The following SLC9A4 variants were observed in gnomAD, a reference collection of about 807,000 sequenced individuals.
SLC9A4 encodes the protein sodium/hydrogen exchanger 4.
In SLC9A4, 63 loss-of-function variants were observed where a neutral mutation model predicts 67.4. The observed-to-expected ratio is 0.93, with a 90% CI of 0.76 to 1.15. The LOEUF (loss-of-function observed/expected upper bound fraction) is 1.15. Among genes scored for constraint, SLC9A4 ranks in the 50% most tolerant of loss-of-function variants. The pLI is 0.00. For synonymous variants in SLC9A4, 393 were observed against 367.2 expected, an observed-to-expected ratio of 1.07 and a Z score of -0.80; for missense variants, 1,089 against 987.7, an observed-to-expected ratio of 1.10 and a Z score of -1.38.
chr2:102,513,944 G>T, intron 7 of SLC9A4, 146 bp from the exon 8 acceptor site: 2 of 1,155,436 alleles, frequency 1.7e-6, no homozygotes. Context: ...TAAAAAATGT[G>T]TTCAAATGCT....
At chr2:102,491,670 G>A (rs536628652) in intron 2 of SLC9A4, among the ~76,000 whole-genome samples, 1 of 152,120 alleles carries the variant, frequency 6.6e-6, no homozygotes, top group South Asian at 2.1e-4. Flanking sequence ...GATGAGATTT[G>A]GGTGGGAACA....
chr2:102,500,958 C>CTTTT (rs11443914), intron 2 of SLC9A4, among the ~76,000 whole-genome samples: 1 of 141,342 alleles, frequency 7.1e-6, no homozygotes, highest in Non-Finnish European at 1.5e-5. Context: ...AAGCAACAAT[C>CTTTT]TTTTTTTTTT....
In SLC9A4 at chr2:102,479,185, C is replaced by A; in HGVS notation, c.603C>A (p.Ser201Arg). 1 of 1,614,196 alleles carries A rather than the reference C, an allele frequency of 6.2e-7. No individual in the cohort carries two copies. The highest frequency in any genetic ancestry group is 8.5e-7 in the Non-Finnish European group (1 of 1,180,020). The change falls in exon 2 of 12, where the codon AGC (serine) becomes AGA (arginine). Residue 201 changes from serine (S) to arginine (R), a missense_variant. By Grantham distance (110) the Ser-to-Arg change is moderately radical (BLOSUM62 -1). Coordinates refer to ENST00000295269, the MANE Select transcript of SLC9A4 (RefSeq NM_001011552.4). The part of the protein sequence containing the change: ...VNLLQNLLFG[S>R]LISAVDPVAV... ...TGCTGCAGAACCTGCTGTTCGGCAG[C>A]CTGATCTCCGCCGTGGACCCAGTGG... is the stretch of plus-strand genomic sequence containing the variant.
intron 2 of SLC9A4, among the ~76,000 whole-genome samples, chr2:102,486,181 C>T (rs1684585226): frequency 6.6e-6 from 1 of 152,224 alleles, no homozygotes; most frequent in Non-Finnish European, 1.5e-5. Flanking sequence ...GCAGGTCCTG[C>T]CTCCACTCCT....
intron 1 of SLC9A4, 144 bp downstream of exon 1, chr2:102,474,159 A>C: frequency 1.0e-6 from 1 of 971,542 alleles, no homozygotes. Flanking sequence ...GTCAAGGGAA[A>C]GTCATAACTG....
intron 2 of SLC9A4, among the ~76,000 whole-genome samples, chr2:102,493,942 T>C (rs530634541): frequency 7.9e-5 from 12 of 151,866 alleles, no homozygotes; most frequent in Non-Finnish European, 1.8e-4. Flanking sequence ...CTGTCTACTC[T>C]CACCCCTGAG....
At chr2:102,478,640 C>A (rs1333602891) in intron 1 of SLC9A4, among the ~76,000 whole-genome samples, 199 bp from the exon 2 acceptor site, 1 of 152,154 alleles carries the variant, frequency 6.6e-6, no homozygotes, top group Non-Finnish European at 1.5e-5. Context: ...GATTCTGTGA[C>A]CTGCGCCGAG....
chr2:102,513,977 A>G (rs1685221201), intron 7 of SLC9A4, 113 bp from the exon 8 acceptor site: 3 of 1,402,184 alleles, frequency 2.1e-6, no homozygotes, highest in Admixed American at 2.8e-5. Flanking sequence ...CACTGTCCTG[A>G]TGTTTCTTCA....
Position 102,519,839 on chromosome 2 carries a change from T to C in SLC9A4, c.1722-20T>C. 1 of 1,611,414 alleles carries C rather than the reference T, an allele frequency of 6.2e-7. No homozygotes were observed. Among genetic ancestry groups the C allele is most frequent in the African/African-American group, 1.3e-5 (1 of 74,944 alleles). ...CAAATGAAAGAATAATGTTTGTCTC[T>C]TCTCCAATAATGATTCCAGGGCCCA... On this transcript the variant is annotated intron_variant, in intron 8 of 11. Coordinates refer to ENST00000295269, the MANE Select transcript of SLC9A4 (RefSeq NM_001011552.4).
chr2:102,496,315 G>A (rs1684809800), intron 2 of SLC9A4, among the ~76,000 whole-genome samples: 2 of 152,278 alleles, frequency 1.3e-5, no homozygotes, highest in Non-Finnish European at 2.9e-5. Flanking sequence ...AAATCACAGT[G>A]AAATGCCACC....
At chr2:102,525,210 T>C in intron 10 of SLC9A4, 55 bp downstream of exon 10, 1 of 1,608,978 alleles carries the variant, frequency 6.2e-7, no homozygotes, top group South Asian at 1.1e-5. Context: ...GTTTGTCATC[T>C]GCTGAGCCTG....
chr2:102,488,316 C>T (rs1443690578), intron 2 of SLC9A4, among the ~76,000 whole-genome samples: 1 of 152,086 alleles, frequency 6.6e-6, no homozygotes, highest in Admixed American at 6.5e-5. Context: ...CAAATAGTTT[C>T]CTTATAGCTT....
chr2:102,479,362 G>A, intron 2 of SLC9A4, 60 bp downstream of exon 2: 1 of 1,509,366 alleles, frequency 6.6e-7, no homozygotes, highest in Non-Finnish European at 8.9e-7. Context: ...GTGGGGCTGG[G>A]GACCGGAGGC....
intron 2 of SLC9A4, among the ~76,000 whole-genome samples, chr2:102,497,371 A>G (rs1242499692): frequency 6.6e-6 from 1 of 152,350 alleles, no homozygotes; most frequent in East Asian, 1.9e-4. Context: ...TTGTACATGA[A>G]TGTTCACAGC....
chr2:102,516,725 A>G (rs1685284736), intron 8 of SLC9A4, among the ~76,000 whole-genome samples: 1 of 152,190 alleles, frequency 6.6e-6, no homozygotes, highest in Admixed American at 6.5e-5. Flanking sequence ...AATAAGTAGA[A>G]TATGCACTTT....
At position 102,524,996 on chromosome 2, in the gene SLC9A4, C is replaced by A. The variant is rs200529310; in HGVS notation, c.1819-28C>A. 15 of 1,612,596 alleles carry A rather than the reference C, an allele frequency of 9.3e-6. 1 individual carries two copies. The South Asian group carries it at 1.5e-4, about 17-fold the overall frequency. The stretch of plus-strand genomic sequence containing the variant: ...TGAAAGTTGTATGGAGGAGTCCTTA[C>A]GTATTTGACATTCCATTTTCTCTGC... On this transcript the variant is annotated intron_variant, in intron 9 of 11. Transcript: ENST00000295269.
chr2:102,522,663 T>G (rs978249228), intron 9 of SLC9A4, among the ~76,000 whole-genome samples: 1 of 152,184 alleles, frequency 6.6e-6, no homozygotes, highest in Non-Finnish European at 1.5e-5. Flanking sequence ...ATTTTAAAAC[T>G]GATAAACAAT....
chr2:102,473,671 G>A lies in SLC9A4; in HGVS notation c.-89G>A, dbSNP rs1684267695. On this transcript the variant is annotated 5_prime_UTR_variant, in exon 1 of 12. The change creates a new upstream start codon in the 5' untranslated region. Coordinates refer to ENST00000295269, the MANE Select transcript of SLC9A4 (RefSeq NM_001011552.4). ...TGTACCTATATTACTTTTGACCCAG[G>A]TGGATGCAGTCACTCTCTAGAAGCC... is the stretch of plus-strand genomic sequence containing the variant. 5.2e-6 allele frequency: 8 copies of A among 1,525,876 alleles called. No individual in the cohort carries two copies. In the South Asian group the frequency reaches 8.8e-5, roughly 17 times the overall value. 94.5% of individuals were successfully genotyped at this position (1,525,876 alleles called of 1,614,324 possible).
rs749302200 is a variant in SLC9A4 at position 102,505,301 on chromosome 2, T to C, written c.1028T>C (p.Val343Ala). ...VTMKKYVEEN[V>A]SQTSYTTIKY... Reference sequence around the variant, plus strand: ...ATGAAAAAGTACGTGGAAGAAAACGTGTCCCAGACATCATACACGACCATC... The same window carrying C: ...ATGAAAAAGTACGTGGAAGAAAACGCGTCCCAGACATCATACACGACCATC... Residue 343 changes from valine (V) to alanine (A), a missense_variant, in exon 4 of 12, where the codon GTG becomes GCG. By Grantham distance (64) the Val-to-Ala change is moderately conservative. Transcript: ENST00000295269. The C allele has an allele frequency of 1.1e-5, 18 of 1,614,086 alleles. No homozygotes were observed. Among genetic ancestry groups the C allele is most frequent in the Non-Finnish European group, 1.4e-5 (17 of 1,180,038 alleles).
Sources: gnomAD v4.1 joint callset for allele counts (sites outside exome capture counted in the v4.1 genomes callset) on GRCh38, gnomAD v4.1.1 for gene constraint, MANE v1.5 for transcripts, NCBI Gene and HGNC (gene_info 2026-07-23, HGNC 2026-07-21) for gene names.